Variants in DHCR24 observed in about 807,000 individuals in gnomAD.
DHCR24 encodes the protein 24-dehydrocholesterol reductase.
DHCR24 carries 28 observed loss-of-function variants against 61.2 expected under a neutral mutation model. The observed-to-expected ratio is 0.46, with a 90% CI of 0.34 to 0.63. The LOEUF (loss-of-function observed/expected upper bound fraction) is 0.63. Among genes scored for constraint, DHCR24 ranks in the 20% least tolerant of loss-of-function variants. DHCR24 has a pLI of 0.01. For missense variants in DHCR24, 538 were observed against 679.1 expected, an observed-to-expected ratio of 0.79 and a Z score of 2.31; for synonymous variants, 261 against 275.9, an observed-to-expected ratio of 0.95 and a Z score of 0.54.
At chr1:54,878,323 T>A (rs1040106384) in intron 2 of DHCR24, among the ~76,000 whole-genome samples, 1 of 141,534 alleles carries the variant, frequency 7.1e-6, no homozygotes, top group African/African-American at 2.7e-5. Flanking sequence ...CTGGCCAACA[T>A]GATGAAACCC....
intron 1 of DHCR24, 112 bp downstream of exon 1, chr1:54,886,777 C>T (rs1035323181): frequency 3.3e-6 from 5 of 1,523,832 alleles, no homozygotes; most frequent in South Asian, 1.2e-5. Flanking sequence ...CCCACCCCCC[C>T]AGGAAGTCCT....
At position 54,860,075 on chromosome 1, in the gene DHCR24, ACTC is replaced by A. The variant is rs567213321; in HGVS notation, c.1020+5225_1020+5227del. 3.4e-3 allele frequency among the ~76,000 whole-genome samples: 522 copies of A among 151,540 alleles called. 3 individuals are homozygous for A. Among genetic ancestry groups the A allele is most frequent in the Non-Finnish European group, 2.8e-3 (189 of 67,818 alleles). ...GCCATGATGAGACCCTCACCCCTAC[ACTC>A]CTCCACCCCTACCACCGCCCAATCA... On this transcript the variant is annotated intron_variant, in intron 6 of 8. Transcript: ENST00000371269.
chr1:54,854,298 A>AAGGGGCC (rs1646895022), intron 6 of DHCR24, 64 bp from the exon 7 acceptor site: 3 of 1,464,936 alleles, frequency 2.0e-6, no homozygotes, highest in South Asian at 1.2e-5. Context: ...CTCCAAGTGC[A>AAGGGGCC]AGGGGCCAGG....
At chr1:54,861,596 C>T (rs968536471) in intron 6 of DHCR24, among the ~76,000 whole-genome samples, 1 of 152,136 alleles carries the variant, frequency 6.6e-6, no homozygotes, top group African/African-American at 2.4e-5. Context: ...GCTTAGATTT[C>T]ATCATAACAC....
chr1:54,874,972 T>A (rs1647018623), intron 4 of DHCR24, 121 bp downstream of exon 4: 2 of 877,832 alleles, frequency 2.3e-6, no homozygotes, highest in Non-Finnish European at 3.9e-6. Context: ...TGTTTACAGA[T>A]ATAGACCCAG....
At chr1:54,879,351 A>C (rs923419441) in intron 2 of DHCR24, among the ~76,000 whole-genome samples, 49 of 140,216 alleles carry the variant, frequency 3.5e-4, no homozygotes, top group African/African-American at 1.0e-3. Flanking sequence ...AAAAAAAAAA[A>C]ATCCAAATCA....
rs2101556760 is a variant in DHCR24, at chr1:54,855,363, C to A, written c.1021-1129G>T. On this transcript the variant is annotated intron_variant, in intron 6 of 8. Transcript: ENST00000371269. Reference sequence around the variant, plus strand: ...GAGCCGAGATTGTGCCACTGCACTCCAGTGTGGGCGACAGAGTGAGACTCC... The same window carrying A: ...GAGCCGAGATTGTGCCACTGCACTCAAGTGTGGGCGACAGAGTGAGACTCC... Among the ~76,000 whole-genome samples the A allele has an allele frequency of 2.0e-5, 3 of 149,636 alleles. 1 individual carries two copies. The South Asian group carries it at 6.4e-4, about 32-fold the overall frequency.
chr1:54,851,469 A>G lies in DHCR24; in HGVS notation c.*764T>C, dbSNP rs1308026319. ...CTAGGTGTCCCAGGCTGAGGCTGGG[A>G]CAAGATTCAACCCTGGAATGCCTTC... On this transcript the variant is annotated 3_prime_UTR_variant, in exon 9 of 9. Coordinates refer to ENST00000371269, the MANE Select transcript of DHCR24 (RefSeq NM_014762.4). The G allele has an allele frequency of 6.5e-6, 1 of 152,686 alleles. No homozygotes were observed. Among genetic ancestry groups the G allele is most frequent in the African/African-American group, 2.4e-5 (1 of 41,436 alleles). 9.5% of individuals were successfully genotyped at this position (152,686 alleles called of 1,614,324 possible). A position where few individuals can be genotyped will look rare whatever the true frequency, so the allele number is the denominator to read the frequency against.
chr1:54,875,059 G>C, intron 4 of DHCR24, 34 bp downstream of exon 4: 2 of 1,578,948 alleles, frequency 1.3e-6, no homozygotes, highest in Non-Finnish European at 1.7e-6. Flanking sequence ...GCCCAGAGCA[G>C]GCTGGCATGG....
chr1:54,856,322 G>A (rs1369104693), intron 6 of DHCR24, among the ~76,000 whole-genome samples: 1 of 152,220 alleles, frequency 6.6e-6, no homozygotes, highest in East Asian at 1.9e-4. Flanking sequence ...ATTGGATCGG[G>A]TGCGGTGGCT....
chr1:54,882,078 A>C, intron 2 of DHCR24, among the ~76,000 whole-genome samples: 1 of 151,858 alleles, frequency 6.6e-6, no homozygotes, highest in East Asian at 1.9e-4. Flanking sequence ...CCCATGACAC[A>C]CGTTTACCTA....
At chr1:54,860,752 G>C (rs4927169) in intron 6 of DHCR24, among the ~76,000 whole-genome samples, 83,216 of 151,946 alleles carry the variant, frequency 0.55, 25,047 homozygotes, top group South Asian at 0.71. Flanking sequence ...TTGGGAGGCC[G>C]GGGCGGGCGG....
rs1647077671 is a variant in DHCR24, at chr1:54,883,859, G to C, written c.232-86C>G. 13 of 1,566,816 alleles carry C rather than the reference G, an allele frequency of 8.3e-6. 1 individual carries two copies. The South Asian group carries it at 1.2e-4, about 15-fold the overall frequency. ...CCCTGCTTTCTTCAAGGGCGAGCTG[G>C]GAATGATGCCTCCATCAGGCACTGG... On this transcript the variant is annotated intron_variant, in intron 1 of 8. Coordinates refer to ENST00000371269, the MANE Select transcript of DHCR24 (RefSeq NM_014762.4). This position sits in a 1 kb window ranked among gnomAD's most constrained non-coding sequence, Gnocchi z 4.3.
intron 5 of DHCR24, among the ~76,000 whole-genome samples, chr1:54,867,870 A>G (rs1299804344): frequency 6.6e-6 from 1 of 152,214 alleles, no homozygotes; most frequent in Non-Finnish European, 1.5e-5. Flanking sequence ...CAGGACCTCC[A>G]GCACTTACCG....
At chr1:54,872,297 A>C (rs943314910) in intron 4 of DHCR24, among the ~76,000 whole-genome samples, 3 of 152,104 alleles carry the variant, frequency 2.0e-5, no homozygotes, top group African/African-American at 7.2e-5. Context: ...GTCCAACCTC[A>C]TCATTTTATT....
Position 54,875,243 on chromosome 1 carries a change from G to A in DHCR24, c.494-32C>T, listed in dbSNP as rs575377294. 10 of 1,604,572 alleles carry A rather than the reference G, an allele frequency of 6.2e-6. No homozygotes were observed. In the Admixed American group the frequency reaches 1.3e-4, roughly 21 times the overall value. The stretch of plus-strand genomic sequence containing the variant: ...AGACATCACACACAGTGTCAGCAGG[G>A]AGAGCTGTGGGTACAGGGTTGGGGG... On this transcript the variant is annotated intron_variant, in intron 3 of 8. Transcript: ENST00000371269.
rs371856384 is a variant in DHCR24 at position 54,852,226 on chromosome 1, C to T, written c.*7G>A. ...ACACGTGTCTGTCTCTCCAGGCGGG[C>T]TCCAGCTCAGTGCCTGGCGGCCTTG... is the stretch of plus-strand genomic sequence containing the variant. On this transcript the variant is annotated 3_prime_UTR_variant, in exon 9 of 9. Coordinates refer to ENST00000371269, the MANE Select transcript of DHCR24 (RefSeq NM_014762.4). The T allele has an allele frequency of 7.4e-5, 120 of 1,614,082 alleles. No homozygotes were observed. Among genetic ancestry groups the T allele is most frequent in the Non-Finnish European group, 9.6e-5 (113 of 1,180,056 alleles).
intron 8 of DHCR24, among the ~76,000 whole-genome samples, 181 bp downstream of exon 8, chr1:54,853,253 C>G (rs1343654751): frequency 3.3e-5 from 5 of 152,108 alleles, no homozygotes; most frequent in Non-Finnish European, 5.9e-5. Context: ...TGCAAGCCCA[C>G]CCCCTGCCCA....
chr1:54,867,666 C>T (rs949501234), intron 5 of DHCR24, among the ~76,000 whole-genome samples: 2 of 152,174 alleles, frequency 1.3e-5, no homozygotes, highest in African/African-American at 2.4e-5. Flanking sequence ...GGTCCCATCC[C>T]TCCTCAGCTT....
Sources: gnomAD v4.1 joint callset for allele counts (sites outside exome capture counted in the v4.1 genomes callset) on GRCh38, gnomAD v4.1.1 for gene constraint, Gnocchi (gnomAD v3.1) non-coding constraint, MANE v1.5 for transcripts, NCBI Gene and HGNC (gene_info 2026-07-23, HGNC 2026-07-21) for gene names.